Variants in YY1AP1 observed in about 807,000 individuals in gnomAD.
The protein encoded by YY1AP1 is YY1 associated protein 1.
Under a neutral mutation model 39.9 loss-of-function variants are expected in YY1AP1, and 43 were observed. The ratio of observed to expected loss-of-function variants is 1.08; its 90% confidence interval spans 0.84 to 1.39. YY1AP1 has a LOEUF of 1.39. Ranked by LOEUF, YY1AP1 falls within the 40% of genes most tolerant of loss-of-function variation. The probability of loss-of-function intolerance (pLI) is 0.00; values close to 1 mark genes in which losing one functional copy is unlikely to be tolerated. For synonymous variants in YY1AP1, 292 were observed against 331.3 expected (o/e 0.88, Z 1.29); for missense variants, 813 against 900.7 (o/e 0.90, Z 1.25).
chr1:155,683,727 G>C lies in YY1AP1; in HGVS notation c.-20-3271C>G, dbSNP rs1038121662. Among the ~76,000 whole-genome samples, 91 of 151,530 alleles carry C rather than the reference G, an allele frequency of 6.0e-4. 4 individuals carry two copies. ...GAAATACTGATCAGCTTTAAAAAGAGAACTGTCATAACCACCCCAATTTAG... is the reference window on the plus strand; with the variant it reads ...GAAATACTGATCAGCTTTAAAAAGACAACTGTCATAACCACCCCAATTTAG... On this transcript the variant is annotated intron_variant, in intron 2 of 10. Coordinates refer to ENST00000355499, the MANE Select transcript of YY1AP1 (RefSeq NM_139119.3).
intron 3 of YY1AP1, chr1:155,679,764 A>T: frequency 8.1e-6 from 8 of 984,302 alleles, no homozygotes; most frequent in Non-Finnish European, 9.7e-6. Context: ...ACTCAAAATG[A>T]TCAATTTCTT....
At chr1:155,664,104 A>C (rs547011705) in intron 9 of YY1AP1, among the ~76,000 whole-genome samples, 31 of 151,944 alleles carry the variant, frequency 2.0e-4, no homozygotes, top group South Asian at 4.2e-4. Context: ...AAACTGGGCA[A>C]CAGGGTGGGA....
intron 10 of YY1AP1, 73 bp from the exon 11 acceptor site, chr1:155,660,986 A>T: frequency 6.2e-7 from 1 of 1,608,376 alleles, no homozygotes; most frequent in Non-Finnish European, 8.5e-7. Context: ...TTCTAAGTTT[A>T]GGGACCTGAG....
At chr1:155,669,668 T>C (rs1649556974) in intron 8 of YY1AP1, among the ~76,000 whole-genome samples, 1 of 152,148 alleles carries the variant, frequency 6.6e-6, no homozygotes, top group Non-Finnish European at 1.5e-5. Context: ...ACATATATAA[T>C]CATGGTTACA....
rs145937652 is a variant in YY1AP1, at chr1:155,671,482, C to T, written c.584-1018G>A. Among the ~76,000 whole-genome samples, 428 of 151,406 alleles carry T rather than the reference C, an allele frequency of 2.8e-3. 2 individuals carry two copies. Among genetic ancestry groups the T allele is most frequent in the Non-Finnish European group, 1.8e-3 (125 of 67,820 alleles). ...CAACTTCTTTAATCTCCCTCACAAA[C>T]CTGGTATTCCAAATTTTACTTTTAT... is the stretch of plus-strand genomic sequence containing the variant. On this transcript the variant is annotated intron_variant, in intron 7 of 10. Coordinates refer to ENST00000355499, the MANE Select transcript of YY1AP1 (RefSeq NM_139119.3).
chr1:155,687,854 C>T (rs534228686), intron 2 of YY1AP1: 15 of 528,796 alleles, frequency 2.8e-5, no homozygotes, highest in Admixed American at 2.8e-4. Context: ...TCCCAGCCCC[C>T]TCCGGGAGTC....
intron 2 of YY1AP1, among the ~76,000 whole-genome samples, chr1:155,686,195 C>T (rs1652267746): frequency 1.3e-5 from 2 of 151,712 alleles, no homozygotes; most frequent in African/African-American, 2.4e-5. Context: ...GCCACCACGC[C>T]CGGCTAATTT....
chr1:155,680,101 C>T lies in YY1AP1; in HGVS notation c.21+315G>A, dbSNP rs775727218. 10 of 259,968 alleles carry T rather than the reference C, an allele frequency of 3.8e-5. No homozygotes were observed. In the South Asian group the frequency reaches 4.5e-4, roughly 12 times the overall value. 16.1% of individuals were successfully genotyped at this position (259,968 alleles called of 1,614,324 possible). A position where few individuals can be genotyped will look rare whatever the true frequency, so the allele number is the denominator to read the frequency against. Reference sequence around the variant, plus strand: ...CTTAGATGAGAGAATTGTTTTGAGCCCTGGAGGTCGAGGCTGCTGTGAGCT... The same window carrying T: ...CTTAGATGAGAGAATTGTTTTGAGCTCTGGAGGTCGAGGCTGCTGTGAGCT... On this transcript the variant is annotated intron_variant, in intron 3 of 10. Coordinates refer to ENST00000355499, the MANE Select transcript of YY1AP1 (RefSeq NM_139119.3).
chr1:155,668,218 T>C (rs1471660959), intron 9 of YY1AP1, among the ~76,000 whole-genome samples: 1 of 152,016 alleles, frequency 6.6e-6, no homozygotes, highest in Non-Finnish European at 1.5e-5. Flanking sequence ...GGAGAATCAC[T>C]TGAACCCGGG....
Position 155,672,688 on chromosome 1 carries a change from T to C in YY1AP1, c.455A>G (p.His152Arg). Residue 152 changes from histidine to arginine, a missense_variant, in exon 7 of 11, where the codon CAT becomes CGT. Around this residue, in one of 3 missense-constraint regions of YY1AP1, gnomAD observed 196 missense variants for 189.7 expected, o/e 1.03. Transcript: ENST00000355499. ...GGTCTGAAACTTGGGGTTGTACTGA[T>C]GGTGAAGGGCGATGGAGCTTTGAGC... The part of the protein sequence containing the change: ...TFAQSSIALH[H>R]QYNPKFQTLF... 3 of 1,614,154 alleles carry C rather than the reference T, an allele frequency of 1.9e-6. No individual in the cohort carries two copies. Among genetic ancestry groups the C allele is most frequent in the South Asian group, 1.1e-5 (1 of 91,078 alleles).
At chr1:155,666,410 C>G (rs1376507201) in intron 9 of YY1AP1, among the ~76,000 whole-genome samples, 1 of 152,068 alleles carries the variant, frequency 6.6e-6, no homozygotes, top group Non-Finnish European at 1.5e-5. Flanking sequence ...CGTGAGCCAC[C>G]GCGCCCAGCC....
At chr1:155,677,431 T>C (rs1650860674) in intron 4 of YY1AP1, among the ~76,000 whole-genome samples, 1 of 152,172 alleles carries the variant, frequency 6.6e-6, no homozygotes, top group Admixed American at 6.5e-5. Flanking sequence ...GTTCTATGTA[T>C]GATTACTATA....
intron 6 of YY1AP1, 75 bp from the exon 7 acceptor site, chr1:155,672,806 G>A (rs1463613743): frequency 2.5e-6 from 4 of 1,604,808 alleles, no homozygotes; most frequent in Non-Finnish European, 3.4e-6. Context: ...GAATCTAAAT[G>A]AGAAGCTGAC....
intron 3 of YY1AP1, 87 bp downstream of exon 3, chr1:155,680,329 A>G: frequency 6.8e-7 from 1 of 1,480,944 alleles, no homozygotes; most frequent in South Asian, 1.1e-5. Context: ...TCCCTCTTCT[A>G]GAAGGAGCAT....
Position 155,660,664 on chromosome 1 carries a change from G to T in YY1AP1, c.1246C>A (p.Leu416Ile). ...QKRSSVLKPLLIQPSPSLQPS... is the reference protein window; with the variant it reads ...QKRSSVLKPLIIQPSPSLQPS... ...TGGAGAGAGGGGCTGGGTTGGATAAGGAGGGGTTTCAGGACTGATGAACGC... is the reference window on the plus strand; with the variant it reads ...TGGAGAGAGGGGCTGGGTTGGATAATGAGGGGTTTCAGGACTGATGAACGC... The change falls in exon 11 of 11, where the codon CTT (leucine) becomes ATT (isoleucine). Residue 416 changes from leucine to isoleucine, a missense_variant. Coordinates refer to ENST00000355499, the MANE Select transcript of YY1AP1 (RefSeq NM_139119.3). 1 of 1,614,216 alleles carries T rather than the reference G, an allele frequency of 6.2e-7. No homozygotes were observed. Among genetic ancestry groups the T allele is most frequent in the Non-Finnish European group, 8.5e-7 (1 of 1,180,040 alleles).
Position 155,688,093 on chromosome 1 carries a change from G to C in YY1AP1, c.-43C>G. 6.3e-7 allele frequency: 1 copy of C among 1,595,756 alleles called. No individual in the cohort carries two copies. Among genetic ancestry groups the C allele is most frequent in the East Asian group, 2.2e-5 (1 of 44,494 alleles). The stretch of plus-strand genomic sequence containing the variant: ...CACCGTGTCGGAGGCCGAGAGCGAT[G>C]AGAGTACAGGGAAGTGAGGAAGAGG... On this transcript the variant is annotated 5_prime_UTR_variant, in exon 2 of 11. Transcript: ENST00000355499.
intron 9 of YY1AP1, among the ~76,000 whole-genome samples, chr1:155,667,985 C>A (rs564250953): frequency 1.3e-5 from 2 of 151,632 alleles, no homozygotes; most frequent in Non-Finnish European, 2.9e-5. Flanking sequence ...CACATACATG[C>A]ATACATACAA....
chr1:155,667,459 A>G (rs1417518240), intron 9 of YY1AP1, among the ~76,000 whole-genome samples: 2 of 151,760 alleles, frequency 1.3e-5, no homozygotes, highest in Non-Finnish European at 2.9e-5. Context: ...GATTGTGCCC[A>G]TGCACTCCAG....
chr1:155,668,478 A>C, intron 9 of YY1AP1, 149 bp downstream of exon 9: 1 of 1,209,142 alleles, frequency 8.3e-7, no homozygotes, highest in Non-Finnish European at 1.2e-6. Context: ...AATGTCCCTG[A>C]AAAGGCAACA....
Sources: allele counts gnomAD v4.1 joint callset (sites outside exome capture counted in the v4.1 genomes callset), GRCh38; gene constraint gnomAD v4.1.1; regional missense constraint gnomAD v4.1.1; transcripts MANE v1.5; gene names NCBI Gene and HGNC (gene_info 2026-07-23, HGNC 2026-07-21).